LIN7A: variants seen among roughly 807,000 people sequenced by gnomAD.
LIN7A encodes lin-7 cell polarity scaffold A, also known as protein lin-7 homolog A.
LIN7A carries 25 observed loss-of-function variants against 29.8 expected under a neutral mutation model. That is an observed-to-expected ratio of 0.84 (90% CI 0.61 to 1.17). The LOEUF is 1.17. LIN7A is among the 50% of genes most tolerant of loss of function. The pLI is 0.00. For synonymous variants in LIN7A, 118 were observed against 107.5 expected, an observed-to-expected ratio of 1.10 and a Z score of -0.60; for missense variants, 239 against 287.0, an observed-to-expected ratio of 0.83 and a Z score of 1.21.
intron 1 of LIN7A, among the ~76,000 whole-genome samples, chr12:80,897,138 T>G (rs1346932925): frequency 6.6e-6 from 1 of 152,182 alleles, no homozygotes; most frequent in Non-Finnish European, 1.5e-5. Flanking sequence ...GAAGTTTGAT[T>G]TGCCTACTAC....
intron 2 of LIN7A, among the ~76,000 whole-genome samples, chr12:80,862,684 G>A (rs976281785): frequency 3.3e-5 from 5 of 152,134 alleles, no homozygotes; most frequent in African/African-American, 1.2e-4. Context: ...TATGATGAGG[G>A]GCCATTTGAA....
intron 2 of LIN7A, among the ~76,000 whole-genome samples, chr12:80,862,619 C>T (rs1015439291): frequency 6.6e-6 from 1 of 152,182 alleles, no homozygotes; most frequent in Admixed American, 6.5e-5. Context: ...TATTTTCTCT[C>T]TAAGGCACAT....
At chr12:80,889,690 T>TCATC (rs761858967) in intron 1 of LIN7A, among the ~76,000 whole-genome samples, 1 of 152,164 alleles carries the variant, frequency 6.6e-6, no homozygotes, top group Non-Finnish European at 1.5e-5. Flanking sequence ...CGAAACTAAT[T>TCATC]CATCAATTTT....
At chr12:80,937,302 G>T in intron 1 of LIN7A, 1 of 261,314 alleles carries the variant, frequency 3.8e-6, no homozygotes, top group East Asian at 6.9e-5. Flanking sequence ...CCAACCCCGA[G>T]CCCCTGGCGC....
At chr12:80,914,743 T>C (rs1191339619) in intron 1 of LIN7A, among the ~76,000 whole-genome samples, 1 of 152,164 alleles carries the variant, frequency 6.6e-6, no homozygotes, top group Non-Finnish European at 1.5e-5. Context: ...GGGCAACCTC[T>C]ATTAATAGTT....
chr12:80,884,283 G>A (rs1277421260), intron 2 of LIN7A, among the ~76,000 whole-genome samples: 1 of 152,098 alleles, frequency 6.6e-6, no homozygotes, highest in African/African-American at 2.4e-5. Context: ...AAGTAGATTT[G>A]GTTTGATCAT....
In LIN7A at chr12:80,795,709, C is replaced by T. The variant is rs1056426379; in HGVS notation, c.*2018G>A. ...CCTTCATGAGAATCCTGTGGCATTG[C>T]CTGAATAGCTTTAATATATCTTTGT... On this transcript the variant is annotated 3_prime_UTR_variant, in exon 6 of 6. Transcript: ENST00000552864. 1 of 151,914 alleles carries T rather than the reference C, an allele frequency of 6.6e-6. No individual in the cohort carries two copies. The highest frequency in any genetic ancestry group is 2.4e-5 in the African/African-American group (1 of 41,382). 9.4% of individuals were successfully genotyped at this position (151,914 alleles called of 1,614,324 possible). A position where few individuals can be genotyped will look rare whatever the true frequency, so the allele number is the denominator to read the frequency against.
At chr12:80,836,006 GA>G (rs943044292) in intron 4 of LIN7A, among the ~76,000 whole-genome samples, 57 of 150,794 alleles carry the variant, frequency 3.8e-4, no homozygotes, top group Admixed American at 1.4e-3. Context: ...TAAGCTAACA[GA>G]AAAAAAAAGT....
intron 2 of LIN7A, among the ~76,000 whole-genome samples, chr12:80,860,361 G>A (rs1873802344): frequency 6.6e-6 from 1 of 152,188 alleles, no homozygotes; most frequent in African/African-American, 2.4e-5. Flanking sequence ...TGTGAGACAA[G>A]TCATTCAAAT....
chr12:80,845,657 C>A, intron 4 of LIN7A, 73 bp downstream of exon 4: 1 of 1,206,398 alleles, frequency 8.3e-7, no homozygotes, highest in Non-Finnish European at 1.2e-6. Flanking sequence ...TCAACGTTGA[C>A]TTCAGTAATA....
chr12:80,810,421 GTGTGTGTGTGTGTGT>G (rs1196766127), intron 5 of LIN7A, among the ~76,000 whole-genome samples: 2 of 151,810 alleles, frequency 1.3e-5, no homozygotes, highest in Non-Finnish European at 2.9e-5. Flanking sequence ...GTGTGTGTGT[GTGTGTGTGTGTGTGT>G]GTAGGTAGAT....
At chr12:80,842,527 T>C (rs1047769944) in intron 4 of LIN7A, among the ~76,000 whole-genome samples, 3 of 152,148 alleles carry the variant, frequency 2.0e-5, no homozygotes, top group Non-Finnish European at 4.4e-5. Context: ...GTTCTGAAAA[T>C]CTTCCATATT....
At chr12:80,806,043 A>C (rs1447747515) in intron 5 of LIN7A, among the ~76,000 whole-genome samples, 1 of 146,494 alleles carries the variant, frequency 6.8e-6, no homozygotes, top group African/African-American at 2.5e-5. Context: ...GCACCACGGC[A>C]CTGTAGCCTG....
Position 80,848,272 on chromosome 12 carries a change from G to A in LIN7A, c.252C>T (p.Phe84=). 6.2e-7 allele frequency: 1 copy of A among 1,613,264 alleles called. No homozygotes were observed. Among genetic ancestry groups the A allele is most frequent in the Non-Finnish European group, 8.5e-7 (1 of 1,179,410 alleles). ...TTACCTTTGCTGTTGCCCTCGCACG[G>A]AATTCGGGACAGCCATTAACAGTTA... is the stretch of plus-strand genomic sequence containing the variant. ...ETITVNGCPE[F]RARATAKATV... The change falls in exon 3 of 6, where the codon TTC becomes TTT. Residue 84 remains phenylalanine, a synonymous_variant. Transcript: ENST00000552864.
At chr12:80,804,894 T>G (rs1196781656) in intron 5 of LIN7A, among the ~76,000 whole-genome samples, 1 of 152,108 alleles carries the variant, frequency 6.6e-6, no homozygotes, top group Non-Finnish European at 1.5e-5. Context: ...TACTCCATTG[T>G]GTACAAGTAC....
chr12:80,923,081 C>A (rs764364191), intron 1 of LIN7A, among the ~76,000 whole-genome samples: 1 of 152,166 alleles, frequency 6.6e-6, no homozygotes, highest in Non-Finnish European at 1.5e-5. Flanking sequence ...GATCCACCCT[C>A]ACCTAATGTG....
chr12:80,907,797 A>T (rs993337896), intron 1 of LIN7A, among the ~76,000 whole-genome samples: 1 of 152,140 alleles, frequency 6.6e-6, no homozygotes, highest in Non-Finnish European at 1.5e-5. Flanking sequence ...AATAAAGAGG[A>T]TCCCTATTTC....
intron 4 of LIN7A, among the ~76,000 whole-genome samples, chr12:80,818,492 G>C (rs755331599): frequency 2.0e-5 from 3 of 152,170 alleles, no homozygotes; most frequent in Non-Finnish European, 4.4e-5. Context: ...AACCTGAAAT[G>C]AGCTTTATCT....
At chr12:80,818,110 T>C (rs538564797) in intron 4 of LIN7A, among the ~76,000 whole-genome samples, 1 of 152,258 alleles carries the variant, frequency 6.6e-6, no homozygotes, top group East Asian at 1.9e-4. Flanking sequence ...GATTATTTTT[T>C]TCTTATGATA....
Sources: allele counts gnomAD v4.1 joint callset (sites outside exome capture counted in the v4.1 genomes callset), GRCh38; gene constraint gnomAD v4.1.1; transcripts MANE v1.5; gene names NCBI Gene and HGNC (gene_info 2026-07-23, HGNC 2026-07-21).